Variants in GAS2L1 observed in about 807,000 individuals in gnomAD.
GAS2L1 encodes the protein growth arrest specific 2 like 1.
In GAS2L1, 26 loss-of-function variants were observed where a neutral mutation model predicts 44.0. That is an observed-to-expected ratio of 0.59 (90% CI 0.43 to 0.82). GAS2L1 has a LOEUF of 0.82. Among genes scored for constraint, GAS2L1 ranks in the 40% least tolerant of loss-of-function variants. The pLI is 0.00. For synonymous variants in GAS2L1, 426 were observed against 415.9 expected (o/e 1.02, Z -0.30); for missense variants, 1,006 against 983.0 (o/e 1.02, Z -0.31).
rs116936488 is a variant in GAS2L1 at position 29,312,535 on chromosome 22, C to T, written c.*38C>T. On this transcript the variant is annotated 3_prime_UTR_variant, in exon 5 of 5. Coordinates refer to ENST00000618518, the Ensembl canonical transcript of GAS2L1. ...GCTGTCCCCAGACCCCATCCCTTCTCCTTTTCCTTTGTGGCCTTAACCCTT... is the reference window on the plus strand; with the variant it reads ...GCTGTCCCCAGACCCCATCCCTTCTTCTTTTCCTTTGTGGCCTTAACCCTT... 1,913 of 1,425,940 alleles carry T rather than the reference C, an allele frequency of 1.3e-3. 15 individuals are homozygous for T. The Middle Eastern group carries it at 0.028, about 21-fold the overall frequency. The allele number at this position is 1,425,940 out of a possible 1,614,324, so 88.3% of individuals were successfully genotyped here.
exon 5 of GAS2L1, chr22:29,312,493 T>A: frequency 6.6e-7 from 1 of 1,507,752 alleles, no homozygotes; most frequent in Non-Finnish European, 8.9e-7. Flanking sequence ...GATTCCTGGA[T>A]GTGATGGACC....
At position 29,311,681 on chromosome 22, in the gene GAS2L1, TCG is replaced by T; in HGVS notation, c.1233_1234del (p.Gly412ProfsTer121). 6.6e-7 allele frequency: 1 copy of T among 1,519,308 alleles called. No individual in the cohort carries two copies. Among genetic ancestry groups the T allele is most frequent in the Non-Finnish European group, 8.8e-7 (1 of 1,138,200 alleles). 94.1% of individuals were successfully genotyped at this position (1,519,308 alleles called of 1,614,324 possible). A position where few individuals can be genotyped will look rare whatever the true frequency, so the allele number is the denominator to read the frequency against. ...GCAGCCAGTCCCGAGACCGGCTGGA[TCG>T]CGGCCGGCCCCGGGGGGCCCCAGGA... On this transcript the variant is annotated frameshift_variant, in exon 5 of 5. Transcript: ENST00000618518. LOFTEE classifies it high-confidence loss of function.
chr22:29,311,978 C>T, exon 5 of GAS2L1: 1 of 1,610,050 alleles, frequency 6.2e-7, no homozygotes, highest in African/African-American at 1.3e-5. Flanking sequence ...CCCTGCAGCT[C>T]GACCCGCAGC....
In GAS2L1 at chr22:29,311,203, G is replaced by C. The variant is rs1167601303; in HGVS notation, c.1010+205G>C. 3 of 602,370 alleles carry C rather than the reference G, an allele frequency of 5.0e-6. No individual in the cohort carries two copies. The African/African-American group carries it at 5.6e-5, about 11-fold the overall frequency. 37.3% of individuals were successfully genotyped at this position (602,370 alleles called of 1,614,324 possible). A position where few individuals can be genotyped will look rare whatever the true frequency, so the allele number is the denominator to read the frequency against. ...GGGCGGGCCCTGTGGCTGGGCGGCA[G>C]CCAGTCCAGCTCTTGCTTCCTCTGG... is the stretch of plus-strand genomic sequence containing the variant. On this transcript the variant is annotated intron_variant, in intron 4 of 4. Coordinates refer to ENST00000618518, the Ensembl canonical transcript of GAS2L1.
At chr22:29,310,315 G>C in intron 1 of GAS2L1, 124 bp from the exon 3 acceptor site, 1 of 659,434 alleles carries the variant, frequency 1.5e-6, no homozygotes, top group Admixed American at 2.5e-5. Flanking sequence ...ACCCCATCCG[G>C]GGCAACACTG....
upstream of GAS2L1, chr22:29,306,691 TGC>T (rs1197314512): frequency 6.6e-6 from 1 of 152,338 alleles, no homozygotes; most frequent in African/African-American, 2.4e-5. Context: ...GGCCGTGCTG[TGC>T]GCCAGCCCGG....
At chr22:29,311,346 G>GATGCCCCTGACAGCCCC (rs2061403263) in intron 4 of GAS2L1, 116 bp from the exon 6 acceptor site, 1 of 597,320 alleles carries the variant, frequency 1.7e-6, no homozygotes, top group African/African-American at 1.9e-5. Context: ...AGGACAGACC[G>GATGCCCCTGACAGCCCC]ATGCCCCTGA....
exon 1 of GAS2L1, chr22:29,307,439 A>G (rs1326740067): frequency 6.6e-6 from 1 of 152,294 alleles, no homozygotes; most frequent in African/African-American, 2.4e-5. Context: ...CGCCGCCTGG[A>G]CGCCGGGCTC....
chr22:29,308,565 G>T, exon 1 of GAS2L1: 1 of 1,598,698 alleles, frequency 6.3e-7, no homozygotes. Context: ...GGGCCTGCTG[G>T]CCCCACGCCT....
chr22:29,308,688 G>T, exon 1 of GAS2L1: 1 of 1,506,820 alleles, frequency 6.6e-7, no homozygotes, highest in Non-Finnish European at 8.9e-7. Context: ...AGGGACTCCT[G>T]CCCGCGGCCC....
At chr22:29,311,028 G>A (rs2061399215) in intron 4 of GAS2L1, 30 bp downstream of exon 5, 3 of 1,591,568 alleles carry the variant, frequency 1.9e-6, no homozygotes, top group Admixed American at 1.7e-5. Context: ...GGAGTGAGGG[G>A]TCCAGAGGGT....
At chr22:29,311,022 T>C in intron 4 of GAS2L1, 24 bp downstream of exon 5, 1 of 1,600,466 alleles carries the variant, frequency 6.2e-7, no homozygotes, top group Non-Finnish European at 8.5e-7. Context: ...GGACGAGGAG[T>C]GAGGGGTCCA....
At position 29,311,299 on chromosome 22, in the gene GAS2L1, G is replaced by A. The variant is rs1303676454; in HGVS notation, c.1011-163G>A. 2.7e-5 allele frequency: 16 copies of A among 583,240 alleles called. No homozygotes were observed. In the Admixed American group the frequency reaches 4.2e-4, roughly 15 times the overall value. 36.1% of individuals were successfully genotyped at this position (583,240 alleles called of 1,614,324 possible). A position where few individuals can be genotyped will look rare whatever the true frequency, so the allele number is the denominator to read the frequency against. ...TCCGTGGCTTTTGGGGCCCTGGGCC[G>A]CTGGAGGAAGCTGCTCACTTCTCCC... On this transcript the variant is annotated intron_variant, in intron 4 of 4. Coordinates refer to ENST00000618518, the Ensembl canonical transcript of GAS2L1.
At chr22:29,308,336 A>G in exon 1 of GAS2L1, 2 of 1,604,136 alleles carry the variant, frequency 1.2e-6, no homozygotes, top group Non-Finnish European at 1.7e-6. Flanking sequence ...GTGCATTGGC[A>G]GCCGCCCGCC....
exon 5 of GAS2L1, chr22:29,312,407 C>A: frequency 1.3e-6 from 2 of 1,564,958 alleles, no homozygotes; most frequent in Non-Finnish European, 1.7e-6. Flanking sequence ...CGCCTCGGGG[C>A]CCCCGCCGCC....
intron 4 of GAS2L1, 173 bp from the exon 6 acceptor site, chr22:29,311,289 G>T: frequency 3.5e-6 from 2 of 579,004 alleles, no homozygotes; most frequent in Non-Finnish European, 6.1e-6. Context: ...GGCTTTTGGG[G>T]CCCTGGGCCG....
In GAS2L1 at chr22:29,312,315, C is replaced by A. The variant is rs765826454; in HGVS notation, c.1864C>A (p.Leu622Met). The change falls in exon 5 of 5, where the codon CTG becomes ATG. Residue 622 changes from leucine (L) to methionine (M), a missense_variant. Leu to Met is a conservative substitution (Grantham distance 15, BLOSUM62 2). Coordinates refer to ENST00000618518, the Ensembl canonical transcript of GAS2L1. ...GCCACTAGATGCACCTGGGAGCCCC[C>A]TGGCTTGCACTGAACCCTCGAGGAC... is the stretch of plus-strand genomic sequence containing the variant. The A allele has an allele frequency of 1.9e-6, 3 of 1,606,604 alleles. No individual in the cohort carries two copies. In the South Asian group the frequency reaches 3.3e-5, roughly 18 times the overall value.
Position 29,312,469 on chromosome 22 carries a change from C to CA in GAS2L1, c.2018_2019insA (p.Arg674GlufsTer3), listed in dbSNP as rs758215142. 3 of 1,513,166 alleles carry CA rather than the reference C, an allele frequency of 2.0e-6. No homozygotes were observed. The African/African-American group carries it at 4.2e-5, about 21-fold the overall frequency. 93.7% of individuals were successfully genotyped at this position (1,513,166 alleles called of 1,614,324 possible). On this transcript the variant is annotated frameshift_variant, in exon 5 of 5. Coordinates refer to ENST00000618518, the Ensembl canonical transcript of GAS2L1. LOFTEE classifies it high-confidence loss of function. ...TGGCATGCCCTGCACTCAGTCACCCCGAGGGCTGAGCCAGATTCCTGGATG... is the reference window on the plus strand; with the variant it reads ...TGGCATGCCCTGCACTCAGTCACCCCAGAGGGCTGAGCCAGATTCCTGGATG...
At chr22:29,311,663 G>C in exon 5 of GAS2L1, 1 of 1,528,354 alleles carries the variant, frequency 6.5e-7, no homozygotes, top group Non-Finnish European at 8.8e-7. Context: ...TGCGCAGCCA[G>C]TCCCGAGACC....
Sources: gnomAD v4.1 joint callset for allele counts on GRCh38, gnomAD v4.1.1 for gene constraint, MANE v1.5 for transcripts, NCBI Gene and HGNC (gene_info 2026-07-23, HGNC 2026-07-21) for gene names.